Variants in CR1 observed in about 807,000 individuals in gnomAD.
CR1 encodes the protein complement C3b/C4b receptor 1 (Knops blood group).
In CR1, 116 loss-of-function variants were observed where a neutral mutation model predicts 187.3. The ratio of observed to expected loss-of-function variants is 0.62; its 90% CI spans 0.53 to 0.72. The LOEUF is 0.72. Ranked by LOEUF, CR1 falls within the 30% of genes least tolerant of loss-of-function variation. The pLI is 0.00. For synonymous variants in CR1, 576 were observed against 747.1 expected, an observed-to-expected ratio of 0.77 and a Z score of 3.73; for missense variants, 1,731 against 2,110.7, an observed-to-expected ratio of 0.82 and a Z score of 3.52.
chr1:207,518,717 C>G (rs896065215), intron 4 of CR1, among the ~76,000 whole-genome samples: 6 of 152,164 alleles, frequency 3.9e-5, no homozygotes, highest in African/African-American at 1.4e-4. Flanking sequence ...GCCTTCTCCT[C>G]TGTGTGTGTC....
intron 1 of CR1, among the ~76,000 whole-genome samples, chr1:207,499,883 C>T (rs1353846140): frequency 6.6e-6 from 1 of 152,098 alleles, no homozygotes; most frequent in African/African-American, 2.4e-5. Flanking sequence ...CAGGTAACAT[C>T]AAAAGTGTCC....
chr1:207,517,571 A>C (rs1393815293), intron 4 of CR1, among the ~76,000 whole-genome samples: 3 of 152,168 alleles, frequency 2.0e-5, no homozygotes, highest in Non-Finnish European at 4.4e-5. Context: ...TGTCTGGAAC[A>C]ATTTGTGTAA....
At chr1:207,620,098 C>T in intron 43 of CR1, 33 bp downstream of exon 43, 2 of 1,587,050 alleles carry the variant, frequency 1.3e-6, no homozygotes, top group South Asian at 1.2e-5. Context: ...TGGGATCTTC[C>T]CGGTCATGGT....
chr1:207,518,156 T>C (rs1305758557), intron 4 of CR1, among the ~76,000 whole-genome samples: 1 of 152,188 alleles, frequency 6.6e-6, no homozygotes, highest in Non-Finnish European at 1.5e-5. Flanking sequence ...TTATTATCAT[T>C]GTACATAAAA....
At chr1:207,516,493 A>G (rs567463250) in intron 4 of CR1, among the ~76,000 whole-genome samples, 3 of 152,334 alleles carry the variant, frequency 2.0e-5, no homozygotes, top group African/African-American at 4.8e-5. Flanking sequence ...TTGCATTACC[A>G]TATAAAATTT....
intron 1 of CR1, among the ~76,000 whole-genome samples, chr1:207,501,588 CT>C (rs1659271280): frequency 6.6e-6 from 1 of 152,124 alleles, no homozygotes; most frequent in South Asian, 2.1e-4. Flanking sequence ...TATTATACAA[CT>C]TTGCTTTTTA....
intron 44 of CR1, 23 bp from the exon 45 acceptor site, chr1:207,622,970 A>T (rs1662357297): frequency 1.3e-6 from 2 of 1,510,366 alleles, no homozygotes; most frequent in Non-Finnish European, 1.8e-6. Context: ...CCATGCATTT[A>T]ATTACCTTGT....
rs1352889757 is a variant in CR1, at chr1:207,574,303, A to G, written c.4452-1292A>G. 2.6e-5 allele frequency among the ~76,000 whole-genome samples: 4 copies of G among 152,250 alleles called. No homozygotes were observed. In the South Asian group the frequency reaches 8.3e-4, roughly 32 times the overall value. Reference sequence around the variant, plus strand: ...GATTCCAGAAATAAAATGTGAAAATATAATACCCGCAAAAGAAATAAGTTT... The same window carrying G: ...GATTCCAGAAATAAAATGTGAAAATGTAATACCCGCAAAAGAAATAAGTTT... On this transcript the variant is annotated intron_variant, in intron 27 of 46. Transcript: ENST00000367049.
chr1:207,638,646 A>G (rs928445629), intron 46 of CR1, among the ~76,000 whole-genome samples: 2 of 152,156 alleles, frequency 1.3e-5, no homozygotes, highest in Admixed American at 6.5e-5. Flanking sequence ...TCCAACCTTA[A>G]TATAAGGCAG....
At chr1:207,579,673 G>A (rs1660877059) in intron 29 of CR1, among the ~76,000 whole-genome samples, 1 of 152,166 alleles carries the variant, frequency 6.6e-6, no homozygotes, top group South Asian at 2.1e-4. Flanking sequence ...ACTGAAATGG[G>A]TTTACAGCAG....
chr1:207,625,563 TAAAG>T (rs1257798397), intron 45 of CR1, among the ~76,000 whole-genome samples: 10 of 152,216 alleles, frequency 6.6e-5, no homozygotes, highest in African/African-American at 2.4e-4. Flanking sequence ...CATATTGCAG[TAAAG>T]AAAGAGATGA....
intron 4 of CR1, among the ~76,000 whole-genome samples, chr1:207,517,453 A>G (rs1371673990): frequency 6.6e-6 from 1 of 152,132 alleles, no homozygotes; most frequent in Admixed American, 6.5e-5. Flanking sequence ...TATATTCTCA[A>G]GAGATCTTGG....
intron 1 of CR1, among the ~76,000 whole-genome samples, chr1:207,503,047 G>T (rs1164146092): frequency 1.3e-5 from 2 of 152,200 alleles, no homozygotes; most frequent in African/African-American, 2.4e-5. Context: ...TCCCACTTTA[G>T]CGGAATAATC....
chr1:207,623,527 G>A (rs1662380442), intron 45 of CR1, among the ~76,000 whole-genome samples: 2 of 151,864 alleles, frequency 1.3e-5, no homozygotes, highest in Non-Finnish European at 1.5e-5. Context: ...AGAGGTTGTA[G>A]TGAGCCAAGA....
rs1370349978 is a variant in CR1 at position 207,587,432 on chromosome 1, C to G, written c.5577C>G (p.Ile1859Met). Residue 1859 changes from isoleucine to methionine, a missense_variant, in exon 34 of 47, where the codon ATC becomes ATG. This residue lies in a region of CR1 where 1,312 missense variants were observed against 1,379.6 expected (regional missense o/e 0.95). Coordinates refer to ENST00000367049, the MANE Select transcript of CR1 (RefSeq NM_000651.6). ...AGTTTCCATTTGCCAGTCCTACGAT[C>G]CCAATTAATGACTTTGAGTTTCCAG... ...PEQFPFASPT[I>M]PINDFEFPVG... is the part of the protein sequence containing the mutation. 1 of 1,613,780 alleles carries G rather than the reference C, an allele frequency of 6.2e-7. No homozygotes were observed. Among genetic ancestry groups the G allele is most frequent in the Admixed American group, 1.7e-5 (1 of 60,006 alleles).
chr1:207,578,283 G>A (rs1394822721), intron 29 of CR1, 80 bp downstream of exon 29: 33 of 1,610,600 alleles, frequency 2.0e-5, no homozygotes, highest in Non-Finnish European at 2.8e-5. Context: ...TTTGTTAAGG[G>A]GGAGGTATGT....
At chr1:207,524,684 G>A (rs1465499952) in intron 5 of CR1, among the ~76,000 whole-genome samples, 7 of 151,848 alleles carry the variant, frequency 4.6e-5, no homozygotes, top group Non-Finnish European at 7.4e-5. Flanking sequence ...CACCGTGCCC[G>A]GCCTCTATGT....
rs1662116536 is a variant in CR1 at position 207,616,891 on chromosome 1, G to A, written c.6889+89G>A. ...TCTATAGTGACAGTCATTTTTGCTT[G>A]TGAAAATGGCTTTGCTGTAACTGTC... On this transcript the variant is annotated intron_variant, in intron 41 of 46. Transcript: ENST00000367049. 4 of 1,529,982 alleles carry A rather than the reference G, an allele frequency of 2.6e-6. No homozygotes were observed. In the Admixed American group the frequency reaches 8.3e-5, roughly 32 times the overall value. The allele number at this position is 1,529,982 out of a possible 1,614,324, so 94.8% of individuals were successfully genotyped here.
intron 24 of CR1, among the ~76,000 whole-genome samples, chr1:207,566,481 T>C (rs907417407): frequency 6.7e-6 from 1 of 150,072 alleles, no homozygotes; most frequent in Non-Finnish European, 1.5e-5. Flanking sequence ...ATGAACAAGA[T>C]GGATGAATTC....
Sources: gnomAD v4.1 joint callset for allele counts (sites outside exome capture counted in the v4.1 genomes callset) on GRCh38, gnomAD v4.1.1 for gene constraint, gnomAD v4.1.1 regional missense constraint, MANE v1.5 for transcripts, NCBI Gene and HGNC (gene_info 2026-07-23, HGNC 2026-07-21) for gene names.